Variants in TM2D1 observed in about 807,000 individuals in gnomAD.
TM2D1 encodes TM2 domain-containing protein 1.
A neutral mutation model predicts 28.4 loss-of-function variants in TM2D1; 15 were observed. That is an observed-to-expected ratio of 0.53 (90% CI 0.35 to 0.81). The LOEUF (loss-of-function observed/expected upper bound fraction) is 0.81. TM2D1 is among the 40% of genes least tolerant of loss of function. The pLI is 0.01. For missense variants in TM2D1, 236 were observed against 254.9 expected, an observed-to-expected ratio of 0.93 and a Z score of 0.50; for synonymous variants, 93 against 96.2, an observed-to-expected ratio of 0.97 and a Z score of 0.20.
At chr1:61,693,307 T>G (rs1197940537) in intron 5 of TM2D1, among the ~76,000 whole-genome samples, 3 of 152,182 alleles carry the variant, frequency 2.0e-5, no homozygotes, top group South Asian at 2.1e-4. Flanking sequence ...TCAAATTAGC[T>G]CTATAATTTG....
chr1:61,688,509 G>A (rs1644299162), intron 5 of TM2D1, among the ~76,000 whole-genome samples: 1 of 152,184 alleles, frequency 6.6e-6, no homozygotes, highest in East Asian at 1.9e-4. Context: ...CAGGTAACGA[G>A]GTCAAGAGAT....
Position 61,694,714 on chromosome 1 carries a change from T to C in TM2D1, c.496A>G (p.Ile166Val), listed in dbSNP as rs1330047710. The change falls in exon 5 of 7, where the codon ATT becomes GTT. Residue 166 changes from isoleucine to valine, a missense_variant. Ile to Val is a conservative substitution (Grantham distance 29). Transcript: ENST00000606498. ...FCGIGSLIDF[I>V]LISMQIVGPS... Reference sequence around the variant, plus strand: ...AAACTTACCTGCATTGAAATAAGAATGAAATCAATTAGGCTCCCAATTCCA... The same window carrying C: ...AAACTTACCTGCATTGAAATAAGAACGAAATCAATTAGGCTCCCAATTCCA... 5.6e-6 allele frequency: 9 copies of C among 1,604,464 alleles called. No homozygotes were observed. In the South Asian group the frequency reaches 7.9e-5, roughly 14 times the overall value.
Position 61,714,716 on chromosome 1 carries a change from G to A in TM2D1, c.239-5279C>T, listed in dbSNP as rs535108290. On this transcript the variant is annotated intron_variant, in intron 2 of 6. Coordinates refer to ENST00000606498, the MANE Select transcript of TM2D1 (RefSeq NM_032027.3). ...ACTATAGGTGTGTGCCACCAAGCCT[G>A]GCTAATTTTTGTATTTTTTTGTAGA... is the stretch of plus-strand genomic sequence containing the variant. Among the ~76,000 whole-genome samples the A allele has an allele frequency of 2.6e-5, 4 of 152,214 alleles. No individual in the cohort carries two copies. The South Asian group carries it at 6.2e-4, about 24-fold the overall frequency.
At chr1:61,713,488 CAAAAAAAAAAA>C (rs369601221) in intron 2 of TM2D1, among the ~76,000 whole-genome samples, 5 of 91,394 alleles carry the variant, frequency 5.5e-5, no homozygotes, top group South Asian at 8.1e-4. Context: ...AACTCAAAAA[CAAAAAAAAAAA>C]AAAAAAAAAA....
chr1:61,700,858 T>C, intron 4 of TM2D1, 76 bp downstream of exon 4: 1 of 1,044,544 alleles, frequency 9.6e-7, no homozygotes, highest in East Asian at 2.4e-5. Flanking sequence ...TACACAGAGA[T>C]TTAATCCATA....
intron 2 of TM2D1, among the ~76,000 whole-genome samples, chr1:61,720,824 T>C (rs1307009006): frequency 2.0e-5 from 3 of 152,170 alleles, no homozygotes; most frequent in African/African-American, 4.8e-5. Flanking sequence ...TTTATTGTCA[T>C]AGATGAATTT....
intron 3 of TM2D1, among the ~76,000 whole-genome samples, chr1:61,702,061 G>C (rs1435624513): frequency 6.6e-6 from 1 of 151,906 alleles, no homozygotes; most frequent in East Asian, 1.9e-4. Flanking sequence ...GTGGTGGCAG[G>C]CACCTGTAAT....
intron 3 of TM2D1, among the ~76,000 whole-genome samples, chr1:61,706,936 A>G (rs891285516): frequency 6.6e-6 from 1 of 151,576 alleles, no homozygotes; most frequent in African/African-American, 2.4e-5. Context: ...CCTGATGGTT[A>G]TATTTCTTAT....
chr1:61,708,559 T>C (rs1283281067), intron 3 of TM2D1, among the ~76,000 whole-genome samples: 1 of 152,240 alleles, frequency 6.6e-6, no homozygotes, highest in Non-Finnish European at 1.5e-5. Context: ...GCCAAACTGA[T>C]AACTTTTGAA....
intron 2 of TM2D1, among the ~76,000 whole-genome samples, chr1:61,720,447 T>G (rs1151772): frequency 0.94 from 142,658 of 152,080 alleles, 66,974 homozygotes; most frequent in South Asian, 0.97. Flanking sequence ...TCGCCATGTT[T>G]GCCAGACTGG....
chr1:61,696,022 C>T (rs989492953), intron 4 of TM2D1: 8 of 152,108 alleles, frequency 5.3e-5, no homozygotes, highest in Admixed American at 1.3e-4. Context: ...TAAATATTCT[C>T]GTATTTCTGC....
chr1:61,719,185 G>A (rs1335985642), intron 2 of TM2D1, among the ~76,000 whole-genome samples: 1 of 151,954 alleles, frequency 6.6e-6, no homozygotes, highest in African/African-American at 2.4e-5. Flanking sequence ...AGCCTCCCAA[G>A]TAGCTGGGAC....
intron 3 of TM2D1, among the ~76,000 whole-genome samples, 178 bp downstream of exon 3, chr1:61,709,151 C>A (rs1644460162): frequency 6.6e-6 from 1 of 152,050 alleles, no homozygotes; most frequent in South Asian, 2.1e-4. Context: ...AGTGACTAAG[C>A]AAGACCTTAT....
intron 2 of TM2D1, among the ~76,000 whole-genome samples, chr1:61,718,837 C>G (rs1162434373): frequency 1.3e-5 from 2 of 151,830 alleles, no homozygotes; most frequent in African/African-American, 4.8e-5. Flanking sequence ...TAAGTCAATG[C>G]CATAAAAGAC....
intron 3 of TM2D1, among the ~76,000 whole-genome samples, chr1:61,704,725 C>T (rs1363269684): frequency 6.6e-6 from 1 of 152,104 alleles, no homozygotes; most frequent in Non-Finnish European, 1.5e-5. Flanking sequence ...GCCACTGGGC[C>T]TAGCCAATAA....
chr1:61,722,804 T>A (rs1196837275), intron 2 of TM2D1, among the ~76,000 whole-genome samples: 3 of 152,200 alleles, frequency 2.0e-5, no homozygotes, highest in Admixed American at 2.0e-4. Context: ...AAAGAAGAGT[T>A]AGTTCTCAAA....
In TM2D1 at chr1:61,717,915, G is replaced by A. The variant is rs137993178; in HGVS notation, c.238+5798C>T. Among the ~76,000 whole-genome samples the A allele has an allele frequency of 4.5e-3, 691 of 152,256 alleles. 9 individuals carry two copies. The highest frequency in any genetic ancestry group is 0.016 in the African/African-American group (647 of 41,552). ...TGTAATCCCAGCTACTTGGGTGGCT[G>A]AGGCAGGAGGATCGCTTGAGTCCTG... is the stretch of plus-strand genomic sequence containing the variant. On this transcript the variant is annotated intron_variant, in intron 2 of 6. Transcript: ENST00000606498.
Position 61,724,971 on chromosome 1 carries a change from G to A in TM2D1, c.150C>T (p.Asp50=). ...AGGEESLKCE[D]LKVGQYICKD... The stretch of plus-strand genomic sequence containing the variant: ...ACAGAGGATATTGTCCCACTTTGAG[G>A]TCCTCGCACTTAAGCGACTCCTCGC... The change falls in exon 1 of 7, where the codon GAC becomes GAT. Residue 50 remains aspartate, a synonymous_variant. Transcript: ENST00000606498. 6.2e-7 allele frequency: 1 copy of A among 1,602,236 alleles called. No homozygotes were observed. Among genetic ancestry groups the A allele is most frequent in the South Asian group, 1.1e-5 (1 of 90,764 alleles).
At chr1:61,685,684 A>T (rs1644280246) in intron 5 of TM2D1, among the ~76,000 whole-genome samples, 1 of 152,224 alleles carries the variant, frequency 6.6e-6, no homozygotes, top group South Asian at 2.1e-4. Context: ...ACATTGACTT[A>T]CTTGTCAAAG....
Sources: allele counts gnomAD v4.1 joint callset (sites outside exome capture counted in the v4.1 genomes callset), GRCh38; gene constraint gnomAD v4.1.1; transcripts MANE v1.5; gene names NCBI Gene and HGNC (gene_info 2026-07-23, HGNC 2026-07-21).